The following SNX13 variants were observed in gnomAD, a reference collection of about 807,000 sequenced individuals.
SNX13 encodes sorting nexin 13.
A neutral mutation model predicts 133.6 loss-of-function variants in SNX13; 45 were observed. The ratio of observed to expected loss-of-function variants is 0.34; its 90% CI spans 0.27 to 0.43. The LOEUF (loss-of-function observed/expected upper bound fraction) is 0.43, where lower values mean the gene tolerates loss of function less well. Ranked by LOEUF, SNX13 falls within the 20% of genes least tolerant of loss-of-function variation. The pLI, the probability that SNX13 is intolerant of heterozygous loss-of-function variation, is 1.00. For synonymous variants in SNX13, 414 were observed against 373.9 expected (o/e 1.11, Z -1.24); for missense variants, 1,032 against 1,145.1 (o/e 0.90, Z 1.43).
intron 1 of SNX13, among the ~76,000 whole-genome samples, chr7:17,906,859 T>A (rs968286280): frequency 2.0e-5 from 3 of 152,122 alleles, no homozygotes; most frequent in Non-Finnish European, 4.4e-5. Context: ...AGACTTCCTG[T>A]AAAAATTCTT....
chr7:17,864,608 A>G (rs1005673849), intron 9 of SNX13, among the ~76,000 whole-genome samples: 5 of 152,232 alleles, frequency 3.3e-5, no homozygotes, highest in Non-Finnish European at 7.3e-5. Flanking sequence ...AAATAATAAC[A>G]AAGAACTTTT....
intron 1 of SNX13, among the ~76,000 whole-genome samples, chr7:17,938,897 C>G (rs4721671): frequency 0.64 from 97,209 of 152,066 alleles, 31,743 homozygotes; most frequent in Non-Finnish European, 0.7. Flanking sequence ...CTACTTATAA[C>G]TCTTTTTTCT....
In SNX13 at chr7:17,922,467, C is replaced by A. The variant is rs1253159445; in HGVS notation, c.12+17817G>T. 5.9e-5 allele frequency among the ~76,000 whole-genome samples: 9 copies of A among 152,328 alleles called. No homozygotes were observed. The South Asian group carries it at 1.4e-3, about 25-fold the overall frequency. The stretch of plus-strand genomic sequence containing the variant: ...TCATGCCAAGTATAACAACATCTGC[C>A]ACACAAAGTAGGCTCCCAGTAAGTA... On this transcript the variant is annotated intron_variant, in intron 1 of 25. Coordinates refer to ENST00000428135, the MANE Select transcript of SNX13 (RefSeq NM_015132.5).
In SNX13 at chr7:17,894,291, G is replaced by A. The variant is rs571681222; in HGVS notation, c.126-857C>T. 2.0e-5 allele frequency among the ~76,000 whole-genome samples: 3 copies of A among 150,560 alleles called. No homozygotes were observed. In the South Asian group the frequency reaches 6.2e-4, roughly 31 times the overall value. ...GCACTCTAGCGACAGAGTAAGACTC[G>A]CCTCAAAAAAAAAAAGAAAAGAAAA... is the stretch of plus-strand genomic sequence containing the variant. On this transcript the variant is annotated intron_variant, in intron 2 of 25. Transcript: ENST00000428135.
chr7:17,812,167 G>A (rs1298103661), intron 20 of SNX13, among the ~76,000 whole-genome samples: 1 of 152,028 alleles, frequency 6.6e-6, no homozygotes, highest in Admixed American at 6.6e-5. Context: ...ATAAACTAAA[G>A]GGCTTCTGTA....
chr7:17,932,983 C>T (rs1801575402), intron 1 of SNX13, among the ~76,000 whole-genome samples: 1 of 152,184 alleles, frequency 6.6e-6, no homozygotes, highest in East Asian at 1.9e-4. Flanking sequence ...TGACTCACCA[C>T]TTCAACACTA....
intron 20 of SNX13, among the ~76,000 whole-genome samples, chr7:17,814,087 C>T (rs891987470): frequency 5.9e-5 from 9 of 152,176 alleles, no homozygotes; most frequent in East Asian, 1.9e-4. Flanking sequence ...CCCACTGCTC[C>T]TCCTGCTCCT....
At chr7:17,829,174 C>A (rs879269378) in intron 16 of SNX13, among the ~76,000 whole-genome samples, 3 of 151,476 alleles carry the variant, frequency 2.0e-5, no homozygotes, top group Non-Finnish European at 3.0e-5. Flanking sequence ...AGACGACTAA[C>A]CTCTAAAACA....
chr7:17,854,088 C>T (rs1022150375), intron 9 of SNX13, among the ~76,000 whole-genome samples: 1 of 152,056 alleles, frequency 6.6e-6, no homozygotes, highest in Non-Finnish European at 1.5e-5. Context: ...ACTGAAAACA[C>T]TAAGTAAATG....
chr7:17,832,496 A>T, intron 15 of SNX13: 1 of 982,602 alleles, frequency 1.0e-6, no homozygotes, highest in Non-Finnish European at 1.2e-6. Flanking sequence ...ACAAATACGA[A>T]GAAATTTCTA....
At chr7:17,831,186 G>A in intron 15 of SNX13, 1 of 984,062 alleles carries the variant, frequency 1.0e-6, no homozygotes, top group Non-Finnish European at 1.2e-6. Context: ...ACAATAAGAA[G>A]ATCCAGAAAT....
chr7:17,827,647 C>A (rs1319895582), intron 16 of SNX13, among the ~76,000 whole-genome samples: 1 of 151,848 alleles, frequency 6.6e-6, no homozygotes, highest in African/African-American at 2.4e-5. Context: ...GCTCTACTAC[C>A]AATACCTTAA....
intron 12 of SNX13, 134 bp downstream of exon 12, chr7:17,845,461 C>G: frequency 1.7e-6 from 1 of 576,288 alleles, no homozygotes. Flanking sequence ...TGTACAACAT[C>G]ATGAATACAT....
intron 8 of SNX13, among the ~76,000 whole-genome samples, chr7:17,870,603 T>TA (rs1415419294): frequency 6.6e-6 from 1 of 152,222 alleles, no homozygotes; most frequent in Non-Finnish European, 1.5e-5. Context: ...GGAGTCAACT[T>TA]AATCTTCAAG....
At chr7:17,939,805 G>A (rs188478512) in intron 1 of SNX13, among the ~76,000 whole-genome samples, 13 of 152,344 alleles carry the variant, frequency 8.5e-5, no homozygotes, top group Admixed American at 2.0e-4. Context: ...AGTCAAAGTA[G>A]AGGGTGGGAA....
chr7:17,856,081 C>T (rs996920052), intron 9 of SNX13, among the ~76,000 whole-genome samples: 1 of 152,258 alleles, frequency 6.6e-6, no homozygotes, highest in Admixed American at 6.5e-5. Flanking sequence ...GAAGTCACCA[C>T]AGATGTGGTA....
chr7:17,805,282 T>C (rs1179946917), intron 20 of SNX13, among the ~76,000 whole-genome samples: 1 of 128,490 alleles, frequency 7.8e-6, no homozygotes, highest in African/African-American at 2.8e-5. Flanking sequence ...TGCACATGTG[T>C]AATTCTAATT....
chr7:17,923,747 C>A (rs1204055480), intron 1 of SNX13, among the ~76,000 whole-genome samples: 1 of 152,054 alleles, frequency 6.6e-6, no homozygotes, highest in African/African-American at 2.4e-5. Flanking sequence ...TGTGGCTAAT[C>A]AGGAAGAATA....
intron 8 of SNX13, among the ~76,000 whole-genome samples, chr7:17,872,706 T>C (rs1358610744): frequency 6.6e-6 from 1 of 152,216 alleles, no homozygotes; most frequent in Non-Finnish European, 1.5e-5. Flanking sequence ...CATGCAAGCA[T>C]AAAAGCAAGT....
Sources: allele counts gnomAD v4.1 joint callset (sites outside exome capture counted in the v4.1 genomes callset), GRCh38; gene constraint gnomAD v4.1.1; transcripts MANE v1.5; gene names NCBI Gene and HGNC (gene_info 2026-07-23, HGNC 2026-07-21).